DRC12: variants seen among roughly 807,000 people sequenced by gnomAD.
DRC12 encodes the protein dynein regulatory complex protein 12.
the DRC12 span, chr11:119,195,066 C>G: frequency 7.6e-7 from 1 of 1,309,274 alleles, no homozygotes; most frequent in Non-Finnish European, 1.1e-6. Context: ...CATCCTCACC[C>G]CACACCCTGC....
the DRC12 span, among the ~76,000 whole-genome samples, chr11:119,192,179 C>T: frequency 0.58 from 88,052 of 151,838 alleles, 26,389 homozygotes; most frequent in East Asian, 0.88. Flanking sequence ...TTTCACCATA[C>T]TGGCCAGGCT....
At chr11:119,195,424 C>T in the DRC12 span, 1 of 1,551,174 alleles carries the variant, frequency 6.4e-7, no homozygotes, top group Admixed American at 2.0e-5. Context: ...CATGACTCAC[C>T]CCAGTTCTTT....
the DRC12 span, chr11:119,195,055 A>G: frequency 3.7e-4 from 519 of 1,387,520 alleles, 3 homozygotes; most frequent in East Asian, 8.5e-3. Flanking sequence ...CACTCTGCTC[A>G]CATCCTCACC....
the DRC12 span, among the ~76,000 whole-genome samples, chr11:119,194,457 T>C: frequency 1.6e-5 from 2 of 124,888 alleles, no homozygotes; most frequent in African/African-American, 3.1e-5. Flanking sequence ...GAGGTTGCAG[T>C]GAGCCGAGAT....
chr11:119,193,711 G>C, the DRC12 span: 2 of 1,543,546 alleles, frequency 1.3e-6, no homozygotes, highest in Middle Eastern at 3.4e-4. Context: ...TGACCCTGTT[G>C]GTTGTCCTCC....
At chr11:119,195,480 G>C in the DRC12 span, 1 of 1,551,332 alleles carries the variant, frequency 6.4e-7, no homozygotes, top group South Asian at 1.2e-5. Context: ...TTTGTTTTTA[G>C]GTGGCATCTC....
chr11:119,193,395 G>T, the DRC12 span: 1 of 830,714 alleles, frequency 1.2e-6, no homozygotes, highest in Non-Finnish European at 1.9e-6. Context: ...CTGAGAAGCT[G>T]CAGACCATGA....
the DRC12 span, among the ~76,000 whole-genome samples, chr11:119,194,099 G>A: frequency 5.9e-5 from 9 of 152,176 alleles, no homozygotes; most frequent in African/African-American, 1.2e-4. Flanking sequence ...TGTTCTTTTC[G>A]GATAGCCTGG....
At chr11:119,190,496 A>G in the DRC12 span, 40 of 1,611,252 alleles carry the variant, frequency 2.5e-5, no homozygotes, top group Middle Eastern at 4.9e-4. The surrounding 1 kb of genome is among the most constrained non-coding windows in gnomAD (Gnocchi z 4.2). Context: ...GAGAGAGGGA[A>G]GGAGTGAGTG....
chr11:119,194,538 A>ATAAAT, the DRC12 span, among the ~76,000 whole-genome samples: 7 of 122,164 alleles, frequency 5.7e-5, no homozygotes, highest in African/African-American at 1.3e-4. Context: ...AAAAAAAAAA[A>ATAAAT]AAAAAAATAA....
At chr11:119,193,208 T>A in the DRC12 span, 1 of 1,614,000 alleles carries the variant, frequency 6.2e-7, no homozygotes, top group African/African-American at 1.3e-5. Flanking sequence ...CGGGTTTGCA[T>A]ATCCTCCTGC....
chr11:119,191,722 T>C, the DRC12 span, among the ~76,000 whole-genome samples: 11 of 151,566 alleles, frequency 7.3e-5, no homozygotes, highest in Non-Finnish European at 1.6e-4. Context: ...GCAGGAGAAT[T>C]GCTTGAACGT....
At chr11:119,190,400 TC>T in the DRC12 span, 2 of 1,613,722 alleles carry the variant, frequency 1.2e-6, no homozygotes, top group African/African-American at 2.7e-5. This position sits in a 1 kb window ranked among gnomAD's most constrained non-coding sequence, Gnocchi z 4.2. Context: ...TGCTGCCCCA[TC>T]CCACTGCTGC....
the DRC12 span, among the ~76,000 whole-genome samples, chr11:119,194,599 C>CGGGA: frequency 2.4e-4 from 36 of 149,678 alleles, no homozygotes; most frequent in South Asian, 7.6e-3. Flanking sequence ...ACCAGCTACT[C>CGGGA]GGGAGGCTGA....
chr11:119,195,726 CTCTT>C, the DRC12 span: 1 of 503,594 alleles, frequency 2.0e-6, no homozygotes, highest in African/African-American at 2.2e-5. Context: ...CCTTGCAACT[CTCTT>C]TTAGAGAAAC....
chr11:119,193,112 C>T, the DRC12 span: 3 of 1,564,938 alleles, frequency 1.9e-6, no homozygotes, highest in East Asian at 2.2e-5. Context: ...CTTGCTGCAA[C>T]TCTTGGAGAG....
chr11:119,194,534 A>ATAAAT, the DRC12 span, among the ~76,000 whole-genome samples: 4 of 135,872 alleles, frequency 2.9e-5, no homozygotes, highest in African/African-American at 5.8e-5. Context: ...AAAAAAAAAA[A>ATAAAT]AAAAAAAAAA....
the DRC12 span, chr11:119,190,628 C>T: frequency 6.4e-7 from 1 of 1,569,858 alleles, no homozygotes; most frequent in East Asian, 2.3e-5. This position sits in a 1 kb window ranked among gnomAD's most constrained non-coding sequence, Gnocchi z 4.2. Flanking sequence ...CCTGGGTTGT[C>T]AGTCATCATA....
chr11:119,190,737 C>T, the DRC12 span: 8 of 1,613,942 alleles, frequency 5.0e-6, no homozygotes, highest in African/African-American at 1.3e-5. This position sits in a 1 kb window ranked among gnomAD's most constrained non-coding sequence, Gnocchi z 4.2. Flanking sequence ...ACTTCGCCTC[C>T]ATGTCTGCCA....
Sources: gnomAD v4.1 joint callset for allele counts (sites outside exome capture counted in the v4.1 genomes callset) on GRCh38, gnomAD v4.1.1 for gene constraint, Gnocchi (gnomAD v3.1) non-coding constraint, MANE v1.5 for transcripts, NCBI Gene and HGNC (gene_info 2026-07-23, HGNC 2026-07-21) for gene names.